Variants in WDFY3 observed in about 807,000 individuals in gnomAD.
WDFY3 encodes WD repeat and FYVE domain-containing protein 3.
Under a neutral mutation model 409.6 loss-of-function variants are expected in WDFY3, and 66 were observed. The observed-to-expected ratio is 0.16, with a 90% CI of 0.13 to 0.20. WDFY3 has a LOEUF of 0.20. Ranked by LOEUF, WDFY3 falls within the 10% of genes least tolerant of loss-of-function variation. The pLI, the probability that WDFY3 is intolerant of heterozygous loss-of-function variation, is 1.00. For missense variants in WDFY3, 3,031 were observed against 4,298.1 expected, an observed-to-expected ratio of 0.71 and a Z score of 8.24; for synonymous variants, 1,521 against 1,537.1, an observed-to-expected ratio of 0.99 and a Z score of 0.25.
chr4:84,749,235 T>C (rs1314530574), intron 36 of WDFY3, among the ~76,000 whole-genome samples: 1 of 152,172 alleles, frequency 6.6e-6, no homozygotes, highest in Non-Finnish European at 1.5e-5. Flanking sequence ...TTCATAATCA[T>C]AATTTTCAAA....
intron 3 of WDFY3, among the ~76,000 whole-genome samples, chr4:84,874,344 C>G (rs1762496605): frequency 6.6e-6 from 1 of 151,580 alleles, no homozygotes; most frequent in Non-Finnish European, 1.5e-5. Flanking sequence ...GCCCAGGAGG[C>G]GGAGGTTGCA....
At position 84,875,382 on chromosome 4, in the gene WDFY3, G is replaced by T. The variant is rs551972659; in HGVS notation, c.-31-14760C>A. 7.9e-5 allele frequency among the ~76,000 whole-genome samples: 12 copies of T among 152,154 alleles called. No homozygotes were observed. The East Asian group carries it at 2.3e-3, about 29-fold the overall frequency. ...AGAGCACTAGTTATGAATGGAGCTT[G>T]CAAGACTGCAGTTGCTCTGGGTGAG... On this transcript the variant is annotated intron_variant, in intron 3 of 67. Coordinates refer to ENST00000295888, the MANE Select transcript of WDFY3 (RefSeq NM_014991.6).
At chr4:84,680,480 A>G (rs1727174475) in intron 64 of WDFY3, among the ~76,000 whole-genome samples, 1 of 152,124 alleles carries the variant, frequency 6.6e-6, no homozygotes, top group Non-Finnish European at 1.5e-5. Context: ...ATTCTATGAA[A>G]GCCTTACTTT....
chr4:84,876,020 T>C (rs1762735746), intron 3 of WDFY3, among the ~76,000 whole-genome samples: 1 of 152,250 alleles, frequency 6.6e-6, no homozygotes, highest in South Asian at 2.1e-4. Flanking sequence ...AACATGGTAA[T>C]TTATTATCAT....
chr4:84,814,130 C>G (rs1230215044), intron 13 of WDFY3, among the ~76,000 whole-genome samples: 1 of 152,122 alleles, frequency 6.6e-6, no homozygotes, highest in East Asian at 1.9e-4. Flanking sequence ...CAAAATACGC[C>G]ACTATGGCAT....
At chr4:84,717,085 C>T (rs1734065423) in intron 48 of WDFY3, 69 bp from the exon 49 acceptor site, 17 of 1,428,546 alleles carry the variant, frequency 1.2e-5, no homozygotes, top group Admixed American at 4.9e-5. Flanking sequence ...CCATAAAGGG[C>T]GTGCTAATTT....
rs181747789 is a variant in WDFY3, at chr4:84,891,215, G to A, written c.-32+5696C>T. On this transcript the variant is annotated intron_variant, in intron 3 of 67. Transcript: ENST00000295888. ...TAACCATGAGCCCAAAATCTGTTTC[G>A]TCTGCCCTTTCCTCTCTTCCATGAT... is the stretch of plus-strand genomic sequence containing the variant. Among the ~76,000 whole-genome samples the A allele has an allele frequency of 2.4e-4, 37 of 152,232 alleles. No homozygotes were observed. In the East Asian group the frequency reaches 6.6e-3, roughly 27 times the overall value.
In WDFY3 at chr4:84,778,672, C is replaced by G; in HGVS notation, c.4366-17G>C. 6.3e-7 allele frequency: 1 copy of G among 1,598,362 alleles called. No homozygotes were observed. Among genetic ancestry groups the G allele is most frequent in the Non-Finnish European group, 8.5e-7 (1 of 1,174,648 alleles). ...TGCCAGCAACTACAAGAAAGTAATA[C>G]CAAATGCCTGTTGATAAATCATCAT... On this transcript the variant is annotated splice_polypyrimidine_tract_variant and intron_variant, in intron 26 of 67. Transcript: ENST00000295888.
Position 84,850,926 on chromosome 4 carries a change from C to CTTTTTTTTTT in WDFY3, c.181-902_181-901insAAAAAAAAAA, listed in dbSNP as rs781440189. On this transcript the variant is annotated intron_variant, in intron 4 of 67. Coordinates refer to ENST00000295888, the MANE Select transcript of WDFY3 (RefSeq NM_014991.6). Reference sequence around the variant, plus strand: ...AATTCTTATTTTTAATTTTATTTATCTGTTTTTTTTTTTTTTTTTTTTTTT... The same window carrying CTTTTTTTTTT: ...AATTCTTATTTTTAATTTTATTTATCTTTTTTTTTTTGTTTTTTTTTTTTTTTTTTTTTTT... Among the ~76,000 whole-genome samples, 63 of 32,146 alleles carry CTTTTTTTTTT rather than the reference C, an allele frequency of 2.0e-3. 3 individuals carry two copies. Among genetic ancestry groups the CTTTTTTTTTT allele is most frequent in the South Asian group, 2.8e-3 (2 of 722 alleles). The allele number at this position is 32,146 out of a possible 152,430, so 21.1% of individuals were successfully genotyped here.
At chr4:84,757,360 C>T (rs528336684) in intron 32 of WDFY3, among the ~76,000 whole-genome samples, 199 bp from the exon 33 acceptor site, 1 of 152,194 alleles carries the variant, frequency 6.6e-6, no homozygotes, top group Admixed American at 6.6e-5. Flanking sequence ...CTTTAGCAAA[C>T]CTGTCTATTA....
chr4:84,924,490 G>A (rs577367258), intron 2 of WDFY3, among the ~76,000 whole-genome samples: 8 of 152,276 alleles, frequency 5.3e-5, no homozygotes, highest in South Asian at 2.1e-4. Context: ...TCCACTCAGC[G>A]TTTTACATGA....
intron 21 of WDFY3, among the ~76,000 whole-genome samples, chr4:84,792,674 C>T (rs1247811112): frequency 2.6e-5 from 4 of 152,082 alleles, no homozygotes; most frequent in Non-Finnish European, 5.9e-5. Flanking sequence ...AGCAGCCTGG[C>T]AAATTACATT....
At chr4:84,885,728 A>T (rs1764129568) in intron 3 of WDFY3, among the ~76,000 whole-genome samples, 1 of 152,228 alleles carries the variant, frequency 6.6e-6, no homozygotes, top group African/African-American at 2.4e-5. Flanking sequence ...CGTTGCACCT[A>T]ATAGATTAGC....
chr4:84,737,123 T>C, intron 41 of WDFY3, 61 bp downstream of exon 41: 5 of 1,564,238 alleles, frequency 3.2e-6, no homozygotes, highest in Non-Finnish European at 2.6e-6. Flanking sequence ...ATATTTAAAG[T>C]ATACCCATAT....
chr4:84,789,990 G>T, intron 21 of WDFY3, 83 bp from the exon 22 acceptor site: 1 of 1,400,090 alleles, frequency 7.1e-7, no homozygotes, highest in South Asian at 1.3e-5. Context: ...AGCATGTTTT[G>T]ACTTTATGTT....
At chr4:84,853,966 C>T (rs376720998) in intron 4 of WDFY3, among the ~76,000 whole-genome samples, 2 of 152,130 alleles carry the variant, frequency 1.3e-5, no homozygotes, top group African/African-American at 4.8e-5. Context: ...TTCCTGTGCT[C>T]ATGAAACACA....
intron 58 of WDFY3, among the ~76,000 whole-genome samples, chr4:84,693,657 G>T (rs529906503): frequency 3.5e-4 from 53 of 152,272 alleles, no homozygotes; most frequent in African/African-American, 1.3e-3. Flanking sequence ...CAGCACTTTG[G>T]GAGACTGAGG....
At chr4:84,956,148 A>ACAT (rs1774212360) in intron 1 of WDFY3, among the ~76,000 whole-genome samples, 1 of 152,218 alleles carries the variant, frequency 6.6e-6, no homozygotes, top group Non-Finnish European at 1.5e-5. Context: ...CTAGGAAGAA[A>ACAT]CATCATACAG....
At chr4:84,827,592 A>G (rs1203166970) in intron 9 of WDFY3, among the ~76,000 whole-genome samples, 4 of 152,178 alleles carry the variant, frequency 2.6e-5, no homozygotes, top group African/African-American at 4.8e-5. Context: ...CTTTAGGATC[A>G]ATAAACATAA....
Sources: gnomAD v4.1 joint callset for allele counts (sites outside exome capture counted in the v4.1 genomes callset) on GRCh38, gnomAD v4.1.1 for gene constraint, MANE v1.5 for transcripts, NCBI Gene and HGNC (gene_info 2026-07-23, HGNC 2026-07-21) for gene names.